ZNF778: variants seen among roughly 807,000 people sequenced by gnomAD.
ZNF778 encodes the protein zinc finger protein 778.
In ZNF778, 37 loss-of-function variants were observed where a neutral mutation model predicts 23.9. The ratio of observed to expected loss-of-function variants is 1.54; its 90% CI spans 1.19 to 2.03. The LOEUF is 2.03. Among genes scored for constraint, ZNF778 ranks in the 30% most tolerant of loss-of-function variants. ZNF778 has a pLI of 0.00. For synonymous variants in ZNF778, 483 were observed against 343.9 expected (o/e 1.40, Z -4.48); for missense variants, 1,297 against 934.4 (o/e 1.39, Z -5.06).
chr16:89,225,668 C>G (rs755089013), intron 6 of ZNF778, 37 bp downstream of exon 6: 2 of 1,547,990 alleles, frequency 1.3e-6, no homozygotes, highest in Non-Finnish European at 8.8e-7. Context: ...ATTTATCACA[C>G]TCATAAAAGA....
rs535618067 is a variant in ZNF778, at chr16:89,226,031, C to A, written c.405+400C>A. On this transcript the variant is annotated intron_variant, in intron 6 of 6. Coordinates refer to ENST00000433976, the MANE Select transcript of ZNF778 (RefSeq NM_001201407.2). ...GATTCAAGTGATTGTCCTGCCTCAG[C>A]CTCCCAAGTAGCTGGAACTAGAGGC... is the stretch of plus-strand genomic sequence containing the variant. Among the ~76,000 whole-genome samples, 4 of 152,176 alleles carry A rather than the reference C, an allele frequency of 2.6e-5. No individual in the cohort carries two copies. In the South Asian group the frequency reaches 8.3e-4, roughly 32 times the overall value.
At position 89,228,477 on chromosome 16, in the gene ZNF778, T is replaced by C; in HGVS notation, c.2189T>C (p.Val730Ala). ...LKTYTEEQVFVCKDCGKSFKN... is the reference protein window; with the variant it reads ...LKTYTEEQVFACKDCGKSFKN... The stretch of plus-strand genomic sequence containing the variant: ...ACTTACACTGAAGAGCAGGTTTTTG[T>C]ATGTAAGGACTGTGGAAAATCTTTT... The change falls in exon 7 of 7, where the codon GTA becomes GCA. Residue 730 changes from valine to alanine, a missense_variant. Val to Ala is a moderately conservative substitution (Grantham distance 64, BLOSUM62 0). Coordinates refer to ENST00000433976, the MANE Select transcript of ZNF778 (RefSeq NM_001201407.2). The C allele has an allele frequency of 1.1e-5, 18 of 1,613,690 alleles. No individual in the cohort carries two copies. Among genetic ancestry groups the C allele is most frequent in the Non-Finnish European group, 1.5e-5 (18 of 1,179,796 alleles).
In ZNF778 at chr16:89,234,328, C is replaced by T. The variant is rs1431182667; in HGVS notation, c.*5766C>T. On this transcript the variant is annotated 3_prime_UTR_variant, in exon 7 of 7. Transcript: ENST00000433976. ...TCCTGGGCAGTTTTATTCTTTCTCT[C>T]TACTCGTTCAACCTTCTTAGGGAGT... 6.1e-6 allele frequency: 2 copies of T among 328,670 alleles called. No homozygotes were observed. The highest frequency in any genetic ancestry group is 7.9e-5 in the East Asian group (1 of 12,610). The allele number at this position is 328,670 out of a possible 1,614,324, so 20.4% of individuals were successfully genotyped here.
At position 89,232,965 on chromosome 16, in the gene ZNF778, G is replaced by T. The variant is rs552177927; in HGVS notation, c.*4403G>T. The T allele has an allele frequency of 7.1e-6, 9 of 1,262,196 alleles. 2 individuals carry two copies. The highest frequency in any genetic ancestry group is 6.7e-5 in the South Asian group (5 of 74,322). The allele number at this position is 1,262,196 out of a possible 1,614,324, so 78.2% of individuals were successfully genotyped here. ...GCCTATGCAACTCAGCTCGCTCTGC[G>T]TATGCAACTGAGCTCGCTCTGCGTA... On this transcript the variant is annotated 3_prime_UTR_variant, in exon 7 of 7. Transcript: ENST00000433976.
Position 89,227,493 on chromosome 16 carries a change from T to A in ZNF778, c.1205T>A (p.Phe402Tyr), listed in dbSNP as rs755639432. The A allele has an allele frequency of 2.5e-6, 4 of 1,613,654 alleles. No homozygotes were observed. In the Admixed American group the frequency reaches 6.7e-5, roughly 27 times the overall value. The change falls in exon 7 of 7, where the codon TTT becomes TAT. Residue 402 changes from phenylalanine to tyrosine, a missense_variant. Physicochemically the swap from Phe to Tyr is conservative, Grantham distance 22. Coordinates refer to ENST00000433976, the MANE Select transcript of ZNF778 (RefSeq NM_001201407.2). ...PFACVVCGKY[F>Y]RNSSCLNNHV... is the part of the protein sequence containing the mutation. ...GCATGTGTGGTTTGCGGAAAATATT[T>A]TAGAAATTCCTCATGCCTTAATAAT...
chr16:89,227,832 C>T lies in ZNF778; in HGVS notation c.1544C>T (p.Thr515Ile), dbSNP rs760611903. The change falls in exon 7 of 7, where the codon ACA becomes ATA. Residue 515 changes from threonine (T) to isoleucine (I), a missense_variant. Thr to Ile is a moderately conservative substitution (Grantham distance 89, BLOSUM62 -1). Transcript: ENST00000433976. Reference sequence around the variant, plus strand: ...TGTAAGCAGTGTGGCAAAGCCTTCACAGGGCGCTCAGGCCTCACTAAACAC... The same window carrying T: ...TGTAAGCAGTGTGGCAAAGCCTTCATAGGGCGCTCAGGCCTCACTAAACAC... The part of the protein sequence containing the change: ...YECKQCGKAF[T>I]GRSGLTKHMR... 2.5e-6 allele frequency: 4 copies of T among 1,614,098 alleles called. No homozygotes were observed. Among genetic ancestry groups the T allele is most frequent in the Middle Eastern group, 1.6e-4 (1 of 6,062 alleles).
chr16:89,218,101 C>G (rs2030527674), intron 1 of ZNF778, 191 bp downstream of exon 1: 1 of 152,246 alleles, frequency 6.6e-6, no homozygotes, highest in African/African-American at 2.4e-5. Flanking sequence ...CGGGAGCGCG[C>G]GTCCCTCGCC....
At chr16:89,222,277 C>T (rs1459771183) in intron 3 of ZNF778, 94 bp downstream of exon 3, 4 of 922,762 alleles carry the variant, frequency 4.3e-6, no homozygotes, top group Non-Finnish European at 6.3e-6. Context: ...CACAGCCTCA[C>T]TCAAGGACCG....
Position 89,227,293 on chromosome 16 carries a change from AC to A in ZNF778, c.1008del (p.Cys337ValfsTer44), listed in dbSNP as rs758901535. 1.2e-6 allele frequency: 2 copies of A among 1,613,684 alleles called. No individual in the cohort carries two copies. Among genetic ancestry groups the A allele is most frequent in the Non-Finnish European group, 1.7e-6 (2 of 1,179,792 alleles). The part of the protein sequence containing the change: ...QHVRIHAAEK[P>X]CECKECGKAF... ...ATGTAAGAATTCATGCTGCAGAGAA[AC>A]CCTGTGAATGTAAAGAATGCGGAAA... is the stretch of plus-strand genomic sequence containing the variant. On this transcript the variant is annotated frameshift_variant, in exon 7 of 7. Coordinates refer to ENST00000433976, the MANE Select transcript of ZNF778 (RefSeq NM_001201407.2). LOFTEE classifies it low-confidence loss of function (END_TRUNC).
intron 4 of ZNF778, 109 bp from the exon 5 acceptor site, chr16:89,224,610 C>T (rs540763109): frequency 4.4e-5 from 35 of 792,660 alleles, no homozygotes; most frequent in South Asian, 3.6e-4. Context: ...CAGCGCGAGA[C>T]GCTGTCTCAA....
At chr16:89,221,513 G>C (rs920263717) in intron 2 of ZNF778, among the ~76,000 whole-genome samples, 4 of 152,070 alleles carry the variant, frequency 2.6e-5, no homozygotes, top group African/African-American at 9.7e-5. Flanking sequence ...ATGGCTGTGT[G>C]TGTGTCTGTG....
rs117884871 is a variant in ZNF778 at position 89,225,631 on chromosome 16, G to T, written c.405G>T (p.Thr135=). 6.2e-7 allele frequency: 1 copy of T among 1,610,486 alleles called. No individual in the cohort carries two copies. Among genetic ancestry groups the T allele is most frequent in the South Asian group, 1.1e-5 (1 of 90,790 alleles). Residue 135 remains threonine (T), a splice_region_variant and synonymous_variant, in exon 6 of 7, where the codon ACG becomes ACT. Coordinates refer to ENST00000433976, the MANE Select transcript of ZNF778 (RefSeq NM_001201407.2). ...TCAGAGCATCAAATGAGACACAGAC[G>T]GTAAGATTAACAAGAGAGATTTTTT... is the stretch of plus-strand genomic sequence containing the variant. The part of the protein sequence containing the change: ...SWFRASNETQ[T]ARSHNGGQLC...
In ZNF778 at chr16:89,227,245, T is replaced by C. The variant is rs767066412; in HGVS notation, c.957T>C (p.Pro319=). ...TGGAAGAATGTGGAAAAGCCTCCCCTGTTTCTTCCAGCCTAACTCAACATG... is the reference window on the plus strand; with the variant it reads ...TGGAAGAATGTGGAAAAGCCTCCCCCGTTTCTTCCAGCCTAACTCAACATG... The part of the protein sequence containing the change: ...CELEECGKAS[P]VSSSLTQHVR... Residue 319 remains proline (P), a synonymous_variant, in exon 7 of 7, where the codon CCT becomes CCC. Coordinates refer to ENST00000433976, the MANE Select transcript of ZNF778 (RefSeq NM_001201407.2). 3.1e-6 allele frequency: 5 copies of C among 1,613,876 alleles called. No individual in the cohort carries two copies. The East Asian group carries it at 1.1e-4, about 36-fold the overall frequency.
At position 89,232,973 on chromosome 16, in the gene ZNF778, CTGAG is replaced by C; in HGVS notation, c.*4412_*4415del. 7.9e-7 allele frequency: 1 copy of C among 1,261,792 alleles called. No individual in the cohort carries two copies. Among genetic ancestry groups the C allele is most frequent in the Non-Finnish European group, 1.0e-6 (1 of 975,998 alleles). 78.2% of individuals were successfully genotyped at this position (1,261,792 alleles called of 1,614,324 possible). A position where few individuals can be genotyped will look rare whatever the true frequency, so the allele number is the denominator to read the frequency against. ...AACTCAGCTCGCTCTGCGTATGCAACTGAGCTCGCTCTGCGTATGCAACCCAGCT... is the reference window on the plus strand; with the variant it reads ...AACTCAGCTCGCTCTGCGTATGCAACCTCGCTCTGCGTATGCAACCCAGCT... On this transcript the variant is annotated 3_prime_UTR_variant, in exon 7 of 7. Coordinates refer to ENST00000433976, the MANE Select transcript of ZNF778 (RefSeq NM_001201407.2).
At chr16:89,223,322 A>G (rs1387817083) in intron 4 of ZNF778, 39 bp downstream of exon 4, 1 of 1,612,172 alleles carries the variant, frequency 6.2e-7, no homozygotes, top group Non-Finnish European at 8.5e-7. Flanking sequence ...CTGTGGAACC[A>G]ATACTTGATG....
rs574042309 is a variant in ZNF778 at position 89,233,702 on chromosome 16, A to C, written c.*5140A>C. ...TGCAAATCAACTTACTGCATATGCA[A>C]CTCAACTCACTGCGTATGCAACTCA... is the stretch of plus-strand genomic sequence containing the variant. On this transcript the variant is annotated 3_prime_UTR_variant, in exon 7 of 7. Transcript: ENST00000433976. 77 of 1,241,156 alleles carry C rather than the reference A, an allele frequency of 6.2e-5. No homozygotes were observed. Among genetic ancestry groups the C allele is most frequent in the Non-Finnish European group, 7.6e-5 (73 of 960,264 alleles). 76.9% of individuals were successfully genotyped at this position (1,241,156 alleles called of 1,614,324 possible).
Position 89,234,455 on chromosome 16 carries a change from C to T in ZNF778, c.*5893C>T. 1 of 182,498 alleles carries T rather than the reference C, an allele frequency of 5.5e-6. No individual in the cohort carries two copies. Among genetic ancestry groups the T allele is most frequent in the Admixed American group, 5.4e-5 (1 of 18,612 alleles). The allele number at this position is 182,498 out of a possible 1,614,324, so 11.3% of individuals were successfully genotyped here. On this transcript the variant is annotated 3_prime_UTR_variant, in exon 7 of 7. Coordinates refer to ENST00000433976, the MANE Select transcript of ZNF778 (RefSeq NM_001201407.2). ...ATGAACATGGTTTTGCTTACGCTGG[C>T]TATTTTCCTTTTTGGATGAAGTACC...
rs545568609 is a variant in ZNF778 at position 89,230,938 on chromosome 16, T to C, written c.*2376T>C. On this transcript the variant is annotated 3_prime_UTR_variant, in exon 7 of 7. Transcript: ENST00000433976. ...TGGACAGACCCATGCACCTTCATGTTACGTGTTTAAAATTCTGGATGGACA... is the reference window on the plus strand; with the variant it reads ...TGGACAGACCCATGCACCTTCATGTCACGTGTTTAAAATTCTGGATGGACA... The C allele has an allele frequency of 5.9e-5, 9 of 152,092 alleles. No homozygotes were observed. Among genetic ancestry groups the C allele is most frequent in the African/African-American group, 1.9e-4 (8 of 41,468 alleles). The allele number at this position is 152,092 out of a possible 1,614,324, so 9.4% of individuals were successfully genotyped here.
rs2031904820 is a variant in ZNF778 at position 89,231,144 on chromosome 16, C to A, written c.*2582C>A. The A allele has an allele frequency of 6.6e-6, 1 of 152,278 alleles. No individual in the cohort carries two copies. The highest frequency in any genetic ancestry group is 1.5e-5 in the Non-Finnish European group (1 of 68,094). 9.4% of individuals were successfully genotyped at this position (152,278 alleles called of 1,614,324 possible). A position where few individuals can be genotyped will look rare whatever the true frequency, so the allele number is the denominator to read the frequency against. On this transcript the variant is annotated 3_prime_UTR_variant, in exon 7 of 7. Coordinates refer to ENST00000433976, the MANE Select transcript of ZNF778 (RefSeq NM_001201407.2). Reference sequence around the variant, plus strand: ...TGGGATTGAGTGTGGCTATTTAGCTCATCTGTTGCCACCTTTAATTGTTGG... The same window carrying A: ...TGGGATTGAGTGTGGCTATTTAGCTAATCTGTTGCCACCTTTAATTGTTGG...
Sources: gnomAD v4.1 joint callset for allele counts (sites outside exome capture counted in the v4.1 genomes callset) on GRCh38, gnomAD v4.1.1 for gene constraint, MANE v1.5 for transcripts, NCBI Gene and HGNC (gene_info 2026-07-23, HGNC 2026-07-21) for gene names.